Variants in MADD observed in about 807,000 individuals in gnomAD.
MADD encodes the protein MAP kinase-activating death domain protein.
Under a neutral mutation model 176.7 loss-of-function variants are expected in MADD, and 109 were observed. The observed-to-expected ratio is 0.62, with a 90% CI of 0.53 to 0.72. MADD has a LOEUF of 0.72. Among genes scored for constraint, MADD ranks in the 30% least tolerant of loss-of-function variants. The pLI is 0.00. For missense variants in MADD, 1,914 were observed against 2,045.5 expected, an observed-to-expected ratio of 0.94 and a Z score of 1.24; for synonymous variants, 771 against 771.3, an observed-to-expected ratio of 1.00 and a Z score of 0.01.
Position 47,282,883 on chromosome 11 carries a change from TC to T in MADD, c.1777del (p.Arg593AlafsTer13). The T allele has an allele frequency of 1.2e-6, 2 of 1,614,192 alleles. No homozygotes were observed. The highest frequency in any genetic ancestry group is 8.5e-7 in the Non-Finnish European group (1 of 1,180,052). On this transcript the variant is annotated frameshift_variant, in exon 10 of 33. Coordinates refer to ENST00000402192, the Ensembl canonical transcript of MADD. LOFTEE classifies it high-confidence loss of function. Reference sequence around the variant, plus strand: ...CTCATCAGCTGCAGCCTATCCACTATCGCGTCTATGACAGCAATTCCCAGCT... The same window carrying T: ...CTCATCAGCTGCAGCCTATCCACTATGCGTCTATGACAGCAATTCCCAGCT...
chr11:47,280,285 A>T (rs1192495545), intron 7 of MADD, among the ~76,000 whole-genome samples: 1 of 152,152 alleles, frequency 6.6e-6, no homozygotes, highest in East Asian at 1.9e-4. Context: ...GGGCCTTTAG[A>T]AATCTTTTTC....
chr11:47,322,933 A>G (rs908054138), intron 27 of MADD, among the ~76,000 whole-genome samples: 1 of 151,962 alleles, frequency 6.6e-6, no homozygotes, highest in Non-Finnish European at 1.5e-5. Context: ...TCCGTAGAGC[A>G]CATAAGAGGT....
chr11:47,290,563 G>C (rs1342396850), intron 18 of MADD, 47 bp from the exon 20 acceptor site: 1 of 1,571,446 alleles, frequency 6.4e-7, no homozygotes, highest in East Asian at 2.3e-5. Context: ...TCTGCGCCTT[G>C]ATTCCTACTC....
chr11:47,327,776 G>T, intron 31 of MADD: 1 of 985,410 alleles, frequency 1.0e-6, no homozygotes, highest in East Asian at 1.1e-4. Flanking sequence ...TCAGAAGAAG[G>T]TACGGCCAAT....
chr11:47,318,277 A>C (rs1358735294), intron 27 of MADD, among the ~76,000 whole-genome samples: 1 of 152,192 alleles, frequency 6.6e-6, no homozygotes, highest in African/African-American at 2.4e-5. Context: ...TGCCTATGTT[A>C]TCTGTTCCCC....
chr11:47,278,598 C>T (rs981552148), intron 6 of MADD, among the ~76,000 whole-genome samples: 5 of 152,020 alleles, frequency 3.3e-5, no homozygotes, highest in Non-Finnish European at 5.9e-5. Context: ...TAATGGTTTC[C>T]CTGGGGTATA....
chr11:47,304,300 G>A (rs1020723710), intron 22 of MADD, among the ~76,000 whole-genome samples: 2 of 149,834 alleles, frequency 1.3e-5, no homozygotes, highest in African/African-American at 4.9e-5. Flanking sequence ...GCACTATCTC[G>A]GCTCACCGCA....
chr11:47,314,569 T>C (rs1438652071), intron 26 of MADD, among the ~76,000 whole-genome samples: 1 of 152,100 alleles, frequency 6.6e-6, no homozygotes, highest in Non-Finnish European at 1.5e-5. Context: ...GTCATGCCAC[T>C]GCACTCCAGC....
chr11:47,304,604 A>G (rs547533464), intron 22 of MADD, among the ~76,000 whole-genome samples: 1 of 151,834 alleles, frequency 6.6e-6, no homozygotes, highest in Non-Finnish European at 1.5e-5. Context: ...TATGATTTTT[A>G]TCTCTTTGTT....
At chr11:47,329,393 TAC>T (rs1351223586) in exon 33 of MADD, 1 of 549,040 alleles carries the variant, frequency 1.8e-6, no homozygotes, top group Non-Finnish European at 3.3e-6. Context: ...CAAGAATGTG[TAC>T]AGTCTGTGGG....
exon 13 of MADD, chr11:47,284,984 G>A (rs1190718495): frequency 6.2e-6 from 10 of 1,613,990 alleles, no homozygotes; most frequent in Non-Finnish European, 8.5e-6. Context: ...GCAGCAGTAG[G>A]CGTCTCCAAG....
chr11:47,293,971 G>T, exon 20 of MADD: 2 of 1,613,882 alleles, frequency 1.2e-6, no homozygotes, highest in Non-Finnish European at 8.5e-7. Context: ...TGAGCCTGAC[G>T]TCTAGTTCCC....
chr11:47,299,585 C>CT lies in MADD; in HGVS notation c.3642+3557dup, dbSNP rs1185948034. Among the ~76,000 whole-genome samples, 397 of 41,500 alleles carry CT rather than the reference C, an allele frequency of 9.6e-3. 75 individuals are homozygous for CT. Among genetic ancestry groups the CT allele is most frequent in the Middle Eastern group, 0.054 (3 of 56 alleles). 27.2% of individuals were successfully genotyped at this position (41,500 alleles called of 152,430 possible). Reference sequence around the variant, plus strand: ...GAGTTTTCTAGTGGAGATTTTAGGGCTTTTTTTTTTTTTTTTTTTTTTTTT... The same window carrying CT: ...GAGTTTTCTAGTGGAGATTTTAGGGCTTTTTTTTTTTTTTTTTTTTTTTTTT... On this transcript the variant is annotated intron_variant, in intron 22 of 32. Coordinates refer to ENST00000402192, the Ensembl canonical transcript of MADD.
In MADD at chr11:47,295,774, A is replaced by G. The variant is rs181225477; in HGVS notation, c.3484-123A>G. The G allele has an allele frequency of 8.7e-4, 1,331 of 1,524,316 alleles. 3 individuals carry two copies. The highest frequency in any genetic ancestry group is 1.3e-3 in the Admixed American group (61 of 46,462). 94.4% of individuals were successfully genotyped at this position (1,524,316 alleles called of 1,614,324 possible). A position where few individuals can be genotyped will look rare whatever the true frequency, so the allele number is the denominator to read the frequency against. On this transcript the variant is annotated intron_variant, in intron 21 of 32. Transcript: ENST00000402192. ...CTCATCTTATAAAGAAGGTACTTCCAGAGGCTATCTGACACACTTTTGAAA... is the reference window on the plus strand; with the variant it reads ...CTCATCTTATAAAGAAGGTACTTCCGGAGGCTATCTGACACACTTTTGAAA...
chr11:47,295,964 C>T (rs2071259587), exon 22 of MADD: 3 of 1,613,990 alleles, frequency 1.9e-6, no homozygotes, highest in Non-Finnish European at 2.5e-6. Flanking sequence ...GGTGATGGAC[C>T]AGGTGGCGAG....
In MADD at chr11:47,277,760, A is replaced by T. The variant is rs140066828; in HGVS notation, c.1096-405A>T. Among the ~76,000 whole-genome samples the T allele has an allele frequency of 6.6e-5, 10 of 151,974 alleles. No homozygotes were observed. The East Asian group carries it at 1.9e-3, about 29-fold the overall frequency. ...ACCGAGATGGCTACAGGCTGGACAC[A>T]GGGGTGATTCATGTCTGGGTGGGAC... is the stretch of plus-strand genomic sequence containing the variant. On this transcript the variant is annotated intron_variant, in intron 5 of 32. Coordinates refer to ENST00000402192, the Ensembl canonical transcript of MADD.
intron 19 of MADD, among the ~76,000 whole-genome samples, chr11:47,292,922 G>C (rs2066645765): frequency 6.6e-6 from 1 of 152,164 alleles, no homozygotes; most frequent in South Asian, 2.1e-4. Flanking sequence ...CCTGTTAGAA[G>C]GCCTGTGGGC....
At chr11:47,328,837 C>G in intron 32 of MADD, 133 bp downstream of exon 36, 1 of 1,223,226 alleles carries the variant, frequency 8.2e-7, no homozygotes, top group Non-Finnish European at 1.2e-6. Context: ...AAAGGTTCAA[C>G]TCAGGCTGAA....
exon 28 of MADD, chr11:47,323,776 T>G (rs1353444469): frequency 3.1e-6 from 5 of 1,614,176 alleles, no homozygotes; most frequent in Non-Finnish European, 4.2e-6. Flanking sequence ...GACGAAGGTG[T>G]TGTGCTTGTG....
Sources: gnomAD v4.1 joint callset for allele counts (sites outside exome capture counted in the v4.1 genomes callset) on GRCh38, gnomAD v4.1.1 for gene constraint, MANE v1.5 for transcripts, NCBI Gene and HGNC (gene_info 2026-07-23, HGNC 2026-07-21) for gene names.